Variants in GRID1 observed in about 807,000 individuals in gnomAD.
GRID1 encodes glutamate receptor ionotropic, delta-1.
In GRID1, 28 loss-of-function variants were observed where a neutral mutation model predicts 98.0. The ratio of observed to expected loss-of-function variants is 0.29; its 90% CI spans 0.21 to 0.39. The LOEUF is 0.39. Among genes scored for constraint, GRID1 ranks in the 10% least tolerant of loss-of-function variants. The pLI, the probability that GRID1 is intolerant of heterozygous loss-of-function variation, is 1.00. For synonymous variants in GRID1, 553 were observed against 538.5 expected (o/e 1.03, Z -0.37); for missense variants, 1,111 against 1,340.5 (o/e 0.83, Z 2.67).
intron 2 of GRID1, among the ~76,000 whole-genome samples, chr10:86,229,114 TC>T (rs1172796442): frequency 3.3e-5 from 5 of 152,100 alleles, no homozygotes; most frequent in Non-Finnish European, 7.4e-5. Context: ...CTTTGGGCCT[TC>T]TACTTTGTGA....
intron 4 of GRID1, among the ~76,000 whole-genome samples, chr10:86,082,336 G>A (rs948435442): frequency 6.6e-6 from 1 of 152,202 alleles, no homozygotes; most frequent in African/African-American, 2.4e-5. Context: ...AGTTCCTAGA[G>A]GCCAGTTGCA....
At chr10:86,287,321 C>T (rs1847445752) in intron 2 of GRID1, among the ~76,000 whole-genome samples, 1 of 152,194 alleles carries the variant, frequency 6.6e-6, no homozygotes, top group African/African-American at 2.4e-5. Flanking sequence ...TCTCTCGTAA[C>T]TAAAAGTTGG....
chr10:85,799,526 A>G (rs1842556556), intron 8 of GRID1, among the ~76,000 whole-genome samples: 1 of 152,164 alleles, frequency 6.6e-6, no homozygotes, highest in Non-Finnish European at 1.5e-5. Context: ...ACACAACATA[A>G]TATTACTTAG....
chr10:85,877,765 A>G (rs1054754505), intron 5 of GRID1, among the ~76,000 whole-genome samples: 2 of 152,246 alleles, frequency 1.3e-5, no homozygotes, highest in Non-Finnish European at 2.9e-5. Context: ...AACAAAGCTG[A>G]ACGGAGAATG....
chr10:86,229,292 C>T (rs969281684), intron 2 of GRID1, among the ~76,000 whole-genome samples: 1 of 152,086 alleles, frequency 6.6e-6, no homozygotes, highest in Non-Finnish European at 1.5e-5. Context: ...AGCTAAGGCA[C>T]CTGCTGGGGC....
chr10:85,629,326 C>A (rs1842947157), intron 13 of GRID1, among the ~76,000 whole-genome samples: 1 of 152,142 alleles, frequency 6.6e-6, no homozygotes, highest in African/African-American at 2.4e-5. Context: ...TTGTAACCAT[C>A]ACCCAAACAG....
At chr10:86,157,194 G>A (rs1210268836) in intron 3 of GRID1, among the ~76,000 whole-genome samples, 1 of 152,208 alleles carries the variant, frequency 6.6e-6, no homozygotes, top group African/African-American at 2.4e-5. Context: ...AGGTATTAAA[G>A]CACATCTTAA....
At chr10:85,827,000 G>A (rs1428507329) in intron 8 of GRID1, among the ~76,000 whole-genome samples, 1 of 152,194 alleles carries the variant, frequency 6.6e-6, no homozygotes, top group African/African-American at 2.4e-5. Flanking sequence ...TTCAAAGATT[G>A]AAGGAATATG....
intron 4 of GRID1, among the ~76,000 whole-genome samples, chr10:86,046,955 A>G (rs1843433353): frequency 6.6e-6 from 1 of 152,084 alleles, no homozygotes; most frequent in South Asian, 2.1e-4. Flanking sequence ...CAGGGCAGCA[A>G]AAAGGCCACA....
chr10:85,814,818 CA>C (rs1842702231), intron 8 of GRID1, among the ~76,000 whole-genome samples: 1 of 151,930 alleles, frequency 6.6e-6, no homozygotes. Context: ...CTTATAGTTT[CA>C]CTGATGGATC....
intron 12 of GRID1, among the ~76,000 whole-genome samples, chr10:85,687,895 T>C (rs1416127594): frequency 6.6e-6 from 1 of 152,180 alleles, no homozygotes; most frequent in Non-Finnish European, 1.5e-5. Context: ...ACTGGTTCAC[T>C]GAGAGTGAAA....
At chr10:86,042,097 T>C (rs561008381) in intron 4 of GRID1, among the ~76,000 whole-genome samples, 34 of 152,288 alleles carry the variant, frequency 2.2e-4, no homozygotes, top group African/African-American at 7.0e-4. Flanking sequence ...GCCCTCGCCA[T>C]GCAAGGGGGA....
At chr10:86,122,174 C>T (rs566907059) in intron 4 of GRID1, among the ~76,000 whole-genome samples, 1 of 152,352 alleles carries the variant, frequency 6.6e-6, no homozygotes, top group Admixed American at 6.5e-5. Flanking sequence ...TTTACCACAG[C>T]CTTGGGAGTA....
At chr10:85,807,398 A>G (rs1205904008) in intron 8 of GRID1, among the ~76,000 whole-genome samples, 1 of 152,026 alleles carries the variant, frequency 6.6e-6, no homozygotes, top group Non-Finnish European at 1.5e-5. Flanking sequence ...ATTTATTAAG[A>G]TTAAGAATTA....
At chr10:86,104,507 C>G (rs1162266867) in intron 4 of GRID1, among the ~76,000 whole-genome samples, 1 of 152,222 alleles carries the variant, frequency 6.6e-6, no homozygotes, top group African/African-American at 2.4e-5. Context: ...GCCCACCATG[C>G]TCAGTGCTTC....
chr10:85,740,885 G>A (rs1841936270), intron 8 of GRID1, among the ~76,000 whole-genome samples: 1 of 151,912 alleles, frequency 6.6e-6, no homozygotes, highest in African/African-American at 2.4e-5. Flanking sequence ...CCGAGTAGCT[G>A]GGATTACAGG....
intron 5 of GRID1, among the ~76,000 whole-genome samples, chr10:85,874,191 A>G (rs1032682948): frequency 1.3e-5 from 2 of 152,224 alleles, no homozygotes; most frequent in Non-Finnish European, 2.9e-5. Context: ...CAAATTTACT[A>G]GGTAACAGCA....
rs73342239 is a variant in GRID1 at position 86,347,266 on chromosome 10, C to T, written c.235+16675G>A. 9.2e-3 allele frequency among the ~76,000 whole-genome samples: 1,395 copies of T among 152,276 alleles called. 14 individuals are homozygous for T. Among genetic ancestry groups the T allele is most frequent in the South Asian group, 0.023 (109 of 4,818 alleles). On this transcript the variant is annotated intron_variant, in intron 2 of 15. Transcript: ENST00000327946. ...CCCCCTTAACGTGACAGGCCACATT[C>T]CAAGTGCCTGTGGCAGAGAAGCCCC... is the stretch of plus-strand genomic sequence containing the variant.
intron 5 of GRID1, among the ~76,000 whole-genome samples, chr10:85,877,054 G>T (rs1391973526): frequency 6.6e-6 from 1 of 152,254 alleles, no homozygotes; most frequent in Non-Finnish European, 1.5e-5. Context: ...AAGGCTGGGG[G>T]AGGGGCGCCT....
Sources: gnomAD v4.1 joint callset for allele counts (sites outside exome capture counted in the v4.1 genomes callset) on GRCh38, gnomAD v4.1.1 for gene constraint, MANE v1.5 for transcripts, NCBI Gene and HGNC (gene_info 2026-07-23, HGNC 2026-07-21) for gene names.